Variants in MAPK8 observed in about 807,000 individuals in gnomAD.
MAPK8 encodes the protein JUN N-terminal kinase.
Under a neutral mutation model 52.9 loss-of-function variants are expected in MAPK8, and 13 were observed. That is an observed-to-expected ratio of 0.25 (90% CI 0.16 to 0.39). The LOEUF is 0.39. MAPK8 is among the 10% of genes least tolerant of loss of function. MAPK8 has a pLI of 1.00. For missense variants in MAPK8, 300 were observed against 519.2 expected (o/e 0.58, Z 4.10); for synonymous variants, 191 against 169.8 (o/e 1.12, Z -0.97).
rs2043768803 is a variant in MAPK8 at position 48,427,649 on chromosome 10, A to G, written c.1060+506A>G. Among the ~76,000 whole-genome samples, 6 of 151,780 alleles carry G rather than the reference A, an allele frequency of 4.0e-5. No individual in the cohort carries two copies. The South Asian group carries it at 1.3e-3, about 32-fold the overall frequency. ...TGGGACTACAGGCGCCTGCCATCAC[A>G]CCCGGCTAATTTTTTTGTATTTTTA... On this transcript the variant is annotated intron_variant, in intron 10 of 11. Coordinates refer to ENST00000374189, the MANE Select transcript of MAPK8 (RefSeq NM_001323329.2).
Position 48,314,335 on chromosome 10 carries a change from A to G in MAPK8, c.-50+7514A>G, listed in dbSNP as rs1040332056. Among the ~76,000 whole-genome samples the G allele has an allele frequency of 3.3e-5, 5 of 152,074 alleles. No homozygotes were observed. In the East Asian group the frequency reaches 9.6e-4, roughly 29 times the overall value. ...GTCATGAGAGGCTTAGTTAACTCCT[A>G]AAGGTCTCTCCTCCAGATACTATCA... On this transcript the variant is annotated intron_variant, in intron 1 of 11. Coordinates refer to ENST00000374189, the MANE Select transcript of MAPK8 (RefSeq NM_001323329.2).
chr10:48,425,223 A>G (rs748154302), intron 7 of MAPK8: 22 of 760,594 alleles, frequency 2.9e-5, no homozygotes, highest in Non-Finnish European at 5.2e-5. Context: ...ACAATAAGTG[A>G]GTTTTAGGCC....
At chr10:48,380,330 T>A (rs2040921713) in intron 1 of MAPK8, among the ~76,000 whole-genome samples, 1 of 152,204 alleles carries the variant, frequency 6.6e-6, no homozygotes, top group African/African-American at 2.4e-5. Flanking sequence ...GGAACACATA[T>A]CAATACAACT....
At chr10:48,393,312 C>G (rs77295311) in intron 1 of MAPK8, among the ~76,000 whole-genome samples, 3 of 152,086 alleles carry the variant, frequency 2.0e-5, no homozygotes, top group Non-Finnish European at 4.4e-5. Flanking sequence ...TTAAGACTTA[C>G]AACTTCTCTT....
intron 5 of MAPK8, among the ~76,000 whole-genome samples, chr10:48,412,277 C>A (rs544623491): frequency 6.6e-6 from 1 of 152,208 alleles, no homozygotes; most frequent in African/African-American, 2.4e-5. Context: ...TCTCAAGATG[C>A]CTTTTTGTCT....
At chr10:48,404,619 C>G (rs535138259) in intron 2 of MAPK8, among the ~76,000 whole-genome samples, 1 of 152,104 alleles carries the variant, frequency 6.6e-6, no homozygotes, top group Non-Finnish European at 1.5e-5. Flanking sequence ...CATGCAGGGT[C>G]TCTGTTGGCA....
rs1372225198 is a variant in MAPK8 at position 48,423,780 on chromosome 10, A to G, written c.617-308A>G. ...ATTTACAAAGTTTGTGTTTGGTTCT[A>G]TTTCATATTTTATAAACAAGTTCTC... is the stretch of plus-strand genomic sequence containing the variant. On this transcript the variant is annotated intron_variant, in intron 6 of 11. Transcript: ENST00000374189. 2.0e-5 allele frequency among the ~76,000 whole-genome samples: 3 copies of G among 152,244 alleles called. 1 individual carries two copies. The East Asian group carries it at 5.8e-4, about 29-fold the overall frequency.
intron 1 of MAPK8, among the ~76,000 whole-genome samples, chr10:48,393,418 A>G (rs999856485): frequency 5.3e-5 from 8 of 152,184 alleles, no homozygotes; most frequent in Admixed American, 2.0e-4. Flanking sequence ...CATTGTAACC[A>G]TAGTCAATTA....
intron 1 of MAPK8, among the ~76,000 whole-genome samples, chr10:48,344,898 G>A (rs1845620849): frequency 6.6e-6 from 1 of 151,980 alleles, no homozygotes; most frequent in South Asian, 2.1e-4. Context: ...CTTCCTCTTT[G>A]TCCACCGAAA....
intron 1 of MAPK8, among the ~76,000 whole-genome samples, chr10:48,397,209 T>C (rs2041931864): frequency 2.0e-5 from 3 of 151,948 alleles, no homozygotes; most frequent in Non-Finnish European, 1.5e-5. Context: ...CATGCAGTAG[T>C]GCTATCATAG....
intron 1 of MAPK8, among the ~76,000 whole-genome samples, chr10:48,349,301 C>T (rs957551379): frequency 1.3e-4 from 20 of 152,100 alleles, no homozygotes. Flanking sequence ...AACTCTCCAC[C>T]CCAAATCAAC....
intron 11 of MAPK8, among the ~76,000 whole-genome samples, chr10:48,432,249 A>T (rs1276838313): frequency 6.6e-6 from 1 of 152,216 alleles, no homozygotes; most frequent in Non-Finnish European, 1.5e-5. Flanking sequence ...GGAAAAAAAT[A>T]GATGTTGTAT....
chr10:48,385,415 T>TA (rs1163774739), intron 1 of MAPK8, among the ~76,000 whole-genome samples: 6 of 152,224 alleles, frequency 3.9e-5, no homozygotes, highest in Non-Finnish European at 1.5e-5. Context: ...ATGTTATGTT[T>TA]AAATTGCCTT....
At chr10:48,352,780 CG>C (rs1490624191) in intron 1 of MAPK8, among the ~76,000 whole-genome samples, 17 of 152,038 alleles carry the variant, frequency 1.1e-4, no homozygotes, top group East Asian at 5.8e-4. Context: ...GTAAAACAAG[CG>C]GGGGGAAAGC....
intron 1 of MAPK8, among the ~76,000 whole-genome samples, chr10:48,316,669 A>G (rs988754814): frequency 1.3e-5 from 2 of 152,238 alleles, no homozygotes; most frequent in African/African-American, 4.8e-5. Context: ...GAGAGGGTGC[A>G]AAGAGTGAGT....
chr10:48,398,552 G>C (rs1404229980), intron 1 of MAPK8, among the ~76,000 whole-genome samples: 2 of 152,162 alleles, frequency 1.3e-5, no homozygotes, highest in Admixed American at 1.3e-4. Context: ...TCTTAAAAAT[G>C]TAGGGCTCAG....
At chr10:48,372,185 A>G (rs186103746) in intron 1 of MAPK8, among the ~76,000 whole-genome samples, 5 of 152,064 alleles carry the variant, frequency 3.3e-5, no homozygotes, top group African/African-American at 1.2e-4. Flanking sequence ...GAAAGTTTCA[A>G]CCCTCTAATT....
At chr10:48,352,008 C>T (rs143202618) in intron 1 of MAPK8, among the ~76,000 whole-genome samples, 76 of 152,196 alleles carry the variant, frequency 5.0e-4, no homozygotes, top group African/African-American at 1.8e-3. Context: ...GAAAAGGATA[C>T]TATTTTTAAA....
chr10:48,417,089 C>G (rs768420443), intron 5 of MAPK8, among the ~76,000 whole-genome samples: 1 of 152,096 alleles, frequency 6.6e-6, no homozygotes, highest in Non-Finnish European at 1.5e-5. Context: ...GTAGCACTCC[C>G]CAGTTGTGAC....
Sources: allele counts gnomAD v4.1 joint callset (sites outside exome capture counted in the v4.1 genomes callset), GRCh38; gene constraint gnomAD v4.1.1; transcripts MANE v1.5; gene names NCBI Gene and HGNC (gene_info 2026-07-23, HGNC 2026-07-21).